The following RAD51B variants were observed in gnomAD, a reference collection of about 807,000 sequenced individuals.
The protein encoded by RAD51B is RAD51 paralog B, also known as DNA repair protein RAD51 homolog 2.
Under a neutral mutation model 42.2 loss-of-function variants are expected in RAD51B, and 38 were observed. The ratio of observed to expected loss-of-function variants is 0.90; its 90% CI spans 0.70 to 1.18. The LOEUF (loss-of-function observed/expected upper bound fraction) is 1.18, where lower values mean the gene tolerates loss of function less well. Among genes scored for constraint, RAD51B ranks in the 50% most tolerant of loss-of-function variants. The pLI is 0.00. For missense variants in RAD51B, 373 were observed against 400.7 expected, an observed-to-expected ratio of 0.93 and a Z score of 0.59; for synonymous variants, 154 against 145.2, an observed-to-expected ratio of 1.06 and a Z score of -0.43.
chr14:68,133,797 A>G (rs902577244), intron 7 of RAD51B, among the ~76,000 whole-genome samples: 1 of 151,984 alleles, frequency 6.6e-6, no homozygotes, highest in African/African-American at 2.4e-5. Flanking sequence ...TTTTAAGATT[A>G]TTTTGGCTTG....
chr14:68,119,591 T>A (rs1274627), intron 7 of RAD51B, among the ~76,000 whole-genome samples: 39,010 of 143,682 alleles, frequency 0.27, 7,553 homozygotes, highest in African/African-American at 0.56. Flanking sequence ...TTCTTGCGAT[T>A]GTTTACTGAG....
intron 11 of RAD51B, among the ~76,000 whole-genome samples, chr14:68,655,386 G>T (rs1339779463): frequency 7.9e-5 from 12 of 152,152 alleles, no homozygotes; most frequent in Admixed American, 7.9e-4. Context: ...GGTGATGGGG[G>T]AGGGGAGGGG....
chr14:68,180,029 T>TC (rs1302549902), intron 7 of RAD51B, among the ~76,000 whole-genome samples: 1 of 152,074 alleles, frequency 6.6e-6, no homozygotes, highest in African/African-American at 2.4e-5. Flanking sequence ...CACCCTTTAT[T>TC]CCCCCCTTGC....
intron 9 of RAD51B, among the ~76,000 whole-genome samples, chr14:68,450,511 G>A (rs1236450814): frequency 6.6e-6 from 1 of 152,058 alleles, no homozygotes; most frequent in Non-Finnish European, 1.5e-5. Context: ...GAACCACCAC[G>A]CCTGGCCAGG....
At chr14:68,464,009 T>C (rs1412022858) in intron 9 of RAD51B, among the ~76,000 whole-genome samples, 1 of 152,266 alleles carries the variant, frequency 6.6e-6, no homozygotes, top group Non-Finnish European at 1.5e-5. Context: ...ATTTTCTGAA[T>C]GCTGAATCTC....
intron 7 of RAD51B, among the ~76,000 whole-genome samples, chr14:68,184,855 A>G (rs562669846): frequency 4.2e-4 from 64 of 152,344 alleles, no homozygotes; most frequent in African/African-American, 1.4e-3. Context: ...ACAGATTAAT[A>G]AGAAGGAAGA....
chr14:68,576,244 T>C (rs1889956244), intron 10 of RAD51B, among the ~76,000 whole-genome samples: 1 of 152,170 alleles, frequency 6.6e-6, no homozygotes, highest in Non-Finnish European at 1.5e-5. Flanking sequence ...AAGCTGGTGA[T>C]TCAGCTCCTA....
chr14:68,655,513 C>T (rs903960887), intron 11 of RAD51B, among the ~76,000 whole-genome samples: 1 of 152,172 alleles, frequency 6.6e-6, no homozygotes, highest in Admixed American at 6.5e-5. Flanking sequence ...GAATTGCAAA[C>T]CTGCTCAGGT....
intron 7 of RAD51B, among the ~76,000 whole-genome samples, chr14:67,912,957 G>T (rs1379778653): frequency 6.6e-6 from 1 of 152,072 alleles, no homozygotes; most frequent in African/African-American, 2.4e-5. Context: ...GCCCGACTTG[G>T]CCTCCCAAAG....
chr14:68,123,828 CCAAA>C (rs2077702377), intron 7 of RAD51B, among the ~76,000 whole-genome samples: 1 of 152,090 alleles, frequency 6.6e-6, no homozygotes, highest in Non-Finnish European at 1.5e-5. Flanking sequence ...AACCAACCAA[CCAAA>C]CAAACAAAAA....
chr14:68,508,431 C>T (rs940366928), intron 10 of RAD51B, among the ~76,000 whole-genome samples: 11 of 152,208 alleles, frequency 7.2e-5, no homozygotes, highest in African/African-American at 2.4e-4. Flanking sequence ...ACAGGCCACT[C>T]GCTATCCTTT....
chr14:67,976,318 A>C (rs1477492389), intron 7 of RAD51B, among the ~76,000 whole-genome samples: 2 of 151,712 alleles, frequency 1.3e-5, no homozygotes. Flanking sequence ...GGGTCTCCCT[A>C]TGTTGCCCAG....
chr14:68,639,052 A>C (rs1035567284), intron 10 of RAD51B, among the ~76,000 whole-genome samples: 4 of 151,978 alleles, frequency 2.6e-5, no homozygotes, highest in Non-Finnish European at 4.4e-5. Flanking sequence ...CCCCACGTAG[A>C]CTGAAGGAAG....
intron 7 of RAD51B, among the ~76,000 whole-genome samples, chr14:68,246,304 AAAAAAAAAAATCTTTTTGAC>A (rs1347543007): frequency 6.8e-6 from 1 of 147,624 alleles, no homozygotes; most frequent in Non-Finnish European, 1.5e-5. Flanking sequence ...GAAAGCCTTG[AAAAAAAAAAATCTTTTTGAC>A]AAAAAAGGAT....
intron 10 of RAD51B, among the ~76,000 whole-genome samples, chr14:68,624,283 C>T (rs1892020219): frequency 6.6e-6 from 1 of 152,192 alleles, no homozygotes; most frequent in Non-Finnish European, 1.5e-5. Flanking sequence ...AAAGGCAACT[C>T]ATACTTAGGG....
intron 7 of RAD51B, among the ~76,000 whole-genome samples, chr14:68,157,539 C>T (rs1211688318): frequency 6.6e-6 from 1 of 152,162 alleles, no homozygotes; most frequent in African/African-American, 2.4e-5. Context: ...TGACAGAAAA[C>T]TTCTGTCCTG....
intron 7 of RAD51B, among the ~76,000 whole-genome samples, chr14:68,028,339 G>A (rs1376550740): frequency 1.3e-5 from 2 of 152,114 alleles, no homozygotes; most frequent in African/African-American, 4.8e-5. Context: ...AGGTGTTCTG[G>A]GCCATGAGGC....
At chr14:68,455,710 ACT>A (rs2085668104) in intron 9 of RAD51B, among the ~76,000 whole-genome samples, 1 of 152,078 alleles carries the variant, frequency 6.6e-6, no homozygotes. Flanking sequence ...ACAGAGCGAG[ACT>A]CTGTCTCAAA....
At chr14:68,185,414 A>T (rs965890249) in intron 7 of RAD51B, among the ~76,000 whole-genome samples, 1 of 152,196 alleles carries the variant, frequency 6.6e-6, no homozygotes, top group East Asian at 1.9e-4. Context: ...TAGATCCAAA[A>T]TGCATATCTA....
Sources: gnomAD v4.1 joint callset for allele counts (sites outside exome capture counted in the v4.1 genomes callset) on GRCh38, gnomAD v4.1.1 for gene constraint, MANE v1.5 for transcripts, NCBI Gene and HGNC (gene_info 2026-07-23, HGNC 2026-07-21) for gene names.